The following LEF1 variants were observed in gnomAD, a reference collection of about 807,000 sequenced individuals.
LEF1 encodes the protein lymphoid enhancer binding factor 1, also known as lymphoid enhancer-binding factor 1.
A neutral mutation model predicts 51.2 loss-of-function variants in LEF1; 14 were observed. The observed-to-expected ratio is 0.27, with a 90% CI of 0.18 to 0.43. LEF1 has a LOEUF of 0.43. Among genes scored for constraint, LEF1 ranks in the 20% least tolerant of loss-of-function variants. LEF1 has a pLI of 1.00. For synonymous variants in LEF1, 185 were observed against 183.2 expected, an observed-to-expected ratio of 1.01 and a Z score of -0.08; for missense variants, 386 against 512.0, an observed-to-expected ratio of 0.75 and a Z score of 2.37.
chr4:108,064,680 CACACACACACACAAT>C (rs764272773), intron 9 of LEF1, among the ~76,000 whole-genome samples: 2,941 of 66,992 alleles, frequency 0.044, 230 homozygotes, highest in Admixed American at 0.31. Flanking sequence ...CACACACACA[CACACACACACACAAT>C]GATGTCTTAG....
At chr4:108,100,083 T>C (rs180905004) in intron 3 of LEF1, among the ~76,000 whole-genome samples, 60 of 152,278 alleles carry the variant, frequency 3.9e-4, no homozygotes, top group Non-Finnish European at 1.8e-4. Context: ...CAGACAACAC[T>C]ATTCACAGGA....
At chr4:108,079,928 A>C (rs554725669) in intron 6 of LEF1, among the ~76,000 whole-genome samples, 1 of 152,352 alleles carries the variant, frequency 6.6e-6, no homozygotes, top group East Asian at 1.9e-4. Flanking sequence ...AAAGCAAAAC[A>C]CATCATGTTT....
chr4:108,093,165 A>T (rs1740160539), intron 3 of LEF1, among the ~76,000 whole-genome samples: 1 of 152,184 alleles, frequency 6.6e-6, no homozygotes, highest in South Asian at 2.1e-4. Flanking sequence ...TCAAGCCAGG[A>T]CTACTGTATA....
intron 8 of LEF1, among the ~76,000 whole-genome samples, chr4:108,074,700 A>T (rs150412841): frequency 6.6e-6 from 1 of 152,320 alleles, no homozygotes; most frequent in East Asian, 1.9e-4. Context: ...TTAATCAAAG[A>T]TCTCAGAGAC....
intron 3 of LEF1, among the ~76,000 whole-genome samples, chr4:108,125,728 T>TTG (rs1742486247): frequency 6.6e-6 from 1 of 151,784 alleles, no homozygotes; most frequent in Admixed American, 6.6e-5. Flanking sequence ...TTTTTTTTTT[T>TTG]TAGCACGCAT....
intron 3 of LEF1, among the ~76,000 whole-genome samples, chr4:108,101,779 T>C (rs1028292579): frequency 6.6e-6 from 1 of 152,048 alleles, no homozygotes; most frequent in African/African-American, 2.4e-5. Context: ...TAAAAGCAGC[T>C]ATGGAAAAAA....
intron 3 of LEF1, among the ~76,000 whole-genome samples, chr4:108,109,771 T>C (rs1313774490): frequency 1.3e-5 from 2 of 152,188 alleles, no homozygotes; most frequent in African/African-American, 4.8e-5. Flanking sequence ...GGCCTCTTAC[T>C]GTATACATAG....
intron 11 of LEF1, among the ~76,000 whole-genome samples, chr4:108,062,127 A>G (rs2126264392): frequency 6.6e-6 from 1 of 152,336 alleles, no homozygotes; most frequent in Middle Eastern, 3.4e-3. Flanking sequence ...AAGGAAAATG[A>G]AGATTAAAAA....
At chr4:108,142,739 C>T (rs910559393) in intron 3 of LEF1, among the ~76,000 whole-genome samples, 4 of 152,132 alleles carry the variant, frequency 2.6e-5, no homozygotes, top group African/African-American at 4.8e-5. Flanking sequence ...TTTTTAATTG[C>T]TGCCTTTGAA....
intron 11 of LEF1, among the ~76,000 whole-genome samples, chr4:108,050,131 A>T (rs563965270): frequency 1.3e-5 from 2 of 152,214 alleles, no homozygotes; most frequent in Non-Finnish European, 2.9e-5. Flanking sequence ...CAAAAAACAA[A>T]ATAGGAGGAA....
At position 108,163,580 on chromosome 4, in the gene LEF1, G is replaced by C; in HGVS notation, c.402C>G (p.Pro134=). 1 of 1,612,908 alleles carries C rather than the reference G, an allele frequency of 6.2e-7. No homozygotes were observed. Among genetic ancestry groups the C allele is most frequent in the Non-Finnish European group, 8.5e-7 (1 of 1,179,436 alleles). The change falls in exon 3 of 12, where the codon CCC becomes CCG. Residue 134 remains proline (P), a synonymous_variant. Transcript: ENST00000265165. ...GCATGTTACTTACTGTTCTCGGGAT[G>C]GGTGGAGAAAGAGATCCATTTGACA... ...PYMSNGSLSP[P]IPRTSNKVPV...
chr4:108,100,124 C>T (rs1299351347), intron 3 of LEF1, among the ~76,000 whole-genome samples: 3 of 152,032 alleles, frequency 2.0e-5, no homozygotes, highest in African/African-American at 7.2e-5. Flanking sequence ...AAAAAATAAC[C>T]TTTTGTTATA....
At chr4:108,157,150 C>G (rs951866549) in intron 3 of LEF1, among the ~76,000 whole-genome samples, 1 of 18,584 alleles carries the variant, frequency 5.4e-5, no homozygotes, top group Non-Finnish European at 2.0e-4. Context: ...CCTCTTCATT[C>G]TCTCTCTCTC....
intron 11 of LEF1, among the ~76,000 whole-genome samples, chr4:108,056,474 C>A (rs739728): frequency 0.72 from 109,837 of 152,164 alleles, 43,087 homozygotes; most frequent in East Asian, 0.97. Flanking sequence ...CATGAATGCA[C>A]CTAGGGATCC....
intron 11 of LEF1, among the ~76,000 whole-genome samples, chr4:108,051,407 A>G (rs1173347132): frequency 6.6e-6 from 1 of 152,162 alleles, no homozygotes; most frequent in Non-Finnish European, 1.5e-5. Flanking sequence ...TGCTTTACAG[A>G]TATAAAACAG....
At chr4:108,132,118 G>C (rs1441908611) in intron 3 of LEF1, among the ~76,000 whole-genome samples, 2 of 152,102 alleles carry the variant, frequency 1.3e-5, no homozygotes, top group Non-Finnish European at 2.9e-5. Context: ...GCAGGTATTT[G>C]GGTCCAAAAA....
At chr4:108,131,680 T>C (rs552957641) in intron 3 of LEF1, among the ~76,000 whole-genome samples, 1 of 152,348 alleles carries the variant, frequency 6.6e-6, no homozygotes, top group South Asian at 2.1e-4. Flanking sequence ...ATGGCTTCTA[T>C]GAGACATGGG....
intron 3 of LEF1, among the ~76,000 whole-genome samples, chr4:108,123,434 T>TG (rs2110337529): frequency 2.8e-5 from 1 of 35,802 alleles, no homozygotes; most frequent in South Asian, 9.8e-4. Flanking sequence ...TAGGGTTGGT[T>TG]TTTTTTTTTT....
chr4:108,067,787 T>G (rs1442986523), intron 9 of LEF1, among the ~76,000 whole-genome samples: 1 of 151,752 alleles, frequency 6.6e-6, no homozygotes, highest in Admixed American at 6.6e-5. Flanking sequence ...GCCTCAGCCT[T>G]CCAAAGTGCT....
Sources: gnomAD v4.1 joint callset for allele counts (sites outside exome capture counted in the v4.1 genomes callset) on GRCh38, gnomAD v4.1.1 for gene constraint, MANE v1.5 for transcripts, NCBI Gene and HGNC (gene_info 2026-07-23, HGNC 2026-07-21) for gene names.